JAK1: variants seen among roughly 807,000 people sequenced by gnomAD.
JAK1 encodes tyrosine-protein kinase JAK1.
JAK1 carries 16 observed loss-of-function variants against 136.6 expected under a neutral mutation model. The observed-to-expected ratio is 0.12, with a 90% confidence interval of 0.08 to 0.18. The LOEUF (loss-of-function observed/expected upper bound fraction) is 0.18. Among genes scored for constraint, JAK1 ranks in the 10% least tolerant of loss-of-function variants. The probability of loss-of-function intolerance (pLI) is 1.00; values close to 1 mark genes in which losing one functional copy is unlikely to be tolerated. For missense variants in JAK1, 859 were observed against 1,450.1 expected (o/e 0.59, Z 6.62); for synonymous variants, 492 against 519.5 (o/e 0.95, Z 0.72).
At chr1:65,057,572 T>C (rs1647602517) in intron 1 of JAK1, among the ~76,000 whole-genome samples, 5 of 152,050 alleles carry the variant, frequency 3.3e-5, no homozygotes, top group Admixed American at 2.6e-4. Context: ...GAGCCTGTAG[T>C]CTCAGACTCG....
chr1:64,869,485 G>C lies in JAK1; in HGVS notation c.484-11C>G, dbSNP rs762212043. 2 of 1,612,338 alleles carry C rather than the reference G, an allele frequency of 1.2e-6. No homozygotes were observed. The highest frequency in any genetic ancestry group is 3.3e-5 in the Admixed American group (2 of 59,836). Reference sequence around the variant, plus strand: ...CAAATCATACTGTCCCTAGGAGCAAGGGGGAGAAACCATGAGAGCCCACCC... The same window carrying C: ...CAAATCATACTGTCCCTAGGAGCAACGGGGAGAAACCATGAGAGCCCACCC... On this transcript the variant is annotated splice_polypyrimidine_tract_variant and intron_variant, in intron 5 of 24. Transcript: ENST00000342505.
intron 2 of JAK1, among the ~76,000 whole-genome samples, chr1:65,044,001 C>A (rs141786521): frequency 6.6e-6 from 1 of 151,884 alleles, no homozygotes; most frequent in Non-Finnish European, 1.5e-5. Flanking sequence ...GGATTACAGA[C>A]GTGAGTCACC....
chr1:65,026,133 C>G (rs77763047), intron 2 of JAK1, among the ~76,000 whole-genome samples: 179 of 152,300 alleles, frequency 1.2e-3, no homozygotes, highest in Non-Finnish European at 2.3e-3. Context: ...TACATGCCTT[C>G]CATGTGATCC....
intron 15 of JAK1, 42 bp downstream of exon 15, chr1:64,845,471 T>C (rs1655170004): frequency 6.2e-7 from 1 of 1,612,362 alleles, no homozygotes; most frequent in Admixed American, 1.7e-5. Context: ...CAGGACACTC[T>C]GGTTTCTGGT....
chr1:64,971,519 CAG>C (rs1043530770), upstream of JAK1, among the ~76,000 whole-genome samples: 12 of 151,838 alleles, frequency 7.9e-5, no homozygotes, highest in Admixed American at 7.9e-4. Context: ...CTGCTTTTTG[CAG>C]AGACGCGGTT....
chr1:65,017,819 CTT>C (rs943732294), intron 2 of JAK1, among the ~76,000 whole-genome samples: 12 of 142,502 alleles, frequency 8.4e-5, no homozygotes, highest in African/African-American at 2.3e-4. Context: ...TGAACTCTGC[CTT>C]TTTTTTTTTT....
At chr1:64,952,239 G>A (rs1352387519) in intron 1 of JAK1, among the ~76,000 whole-genome samples, 3 of 152,160 alleles carry the variant, frequency 2.0e-5, no homozygotes, top group Admixed American at 1.3e-4. Context: ...GAGTCTTGAG[G>A]TGGTGCCTAG....
chr1:65,007,309 T>C (rs1237188978), intron 2 of JAK1, among the ~76,000 whole-genome samples: 1 of 152,162 alleles, frequency 6.6e-6, no homozygotes, highest in Non-Finnish European at 1.5e-5. Flanking sequence ...AGGTCTGTCT[T>C]ATTCTTGTTC....
chr1:65,008,684 T>TTTCTCC (rs1055496974), intron 2 of JAK1, among the ~76,000 whole-genome samples: 2 of 150,310 alleles, frequency 1.3e-5, no homozygotes, highest in African/African-American at 2.4e-5. Context: ...TCTCCTTCTC[T>TTTCTCC]TTCTCCTTCT....
At chr1:64,903,272 C>T (rs546585818) in intron 1 of JAK1, among the ~76,000 whole-genome samples, 9 of 152,166 alleles carry the variant, frequency 5.9e-5, no homozygotes, top group Non-Finnish European at 1.0e-4. Flanking sequence ...GGTGATCCAC[C>T]GGCCTCGGCC....
chr1:64,922,266 G>A (rs1645507958), intron 1 of JAK1, among the ~76,000 whole-genome samples: 1 of 149,782 alleles, frequency 6.7e-6, no homozygotes, highest in Admixed American at 6.8e-5. Context: ...GGGTTTTTTT[G>A]CATTGACCTG....
chr1:64,995,143 A>G (rs1301151399), intron 2 of JAK1: 1 of 152,196 alleles, frequency 6.6e-6, no homozygotes, highest in Non-Finnish European at 1.5e-5. Flanking sequence ...AATCATTTAC[A>G]ATCAGATCAT....
chr1:64,905,261 G>A (rs1388470002), intron 1 of JAK1, among the ~76,000 whole-genome samples: 3 of 152,186 alleles, frequency 2.0e-5, no homozygotes, highest in Non-Finnish European at 4.4e-5. Flanking sequence ...CAGAGAAGGG[G>A]CAGAGCAGAC....
chr1:64,891,798 C>G (rs1429405561), intron 1 of JAK1, among the ~76,000 whole-genome samples: 1 of 152,216 alleles, frequency 6.6e-6, no homozygotes, highest in African/African-American at 2.4e-5. Context: ...GTCAGGAAGT[C>G]AGAACTATGG....
chr1:65,024,660 C>G (rs1349758798), intron 2 of JAK1, among the ~76,000 whole-genome samples: 1 of 69,864 alleles, frequency 1.4e-5, no homozygotes, highest in Non-Finnish European at 3.0e-5. Flanking sequence ...TGGTCCAAAG[C>G]AAAAAAAAAA....
intron 1 of JAK1, among the ~76,000 whole-genome samples, chr1:65,057,582 G>A (rs576246470): frequency 5.9e-5 from 9 of 152,214 alleles, no homozygotes; most frequent in South Asian, 2.1e-4. Flanking sequence ...TCTCAGACTC[G>A]GGAGGTTGAG....
At chr1:65,017,537 G>A (rs1234250893) in intron 2 of JAK1, among the ~76,000 whole-genome samples, 2 of 152,042 alleles carry the variant, frequency 1.3e-5, no homozygotes. Flanking sequence ...TGATCTAATA[G>A]AGATTATCTA....
chr1:65,066,914 T>C (rs1201417519), intron 1 of JAK1: 1 of 151,720 alleles, frequency 6.6e-6, no homozygotes, highest in Admixed American at 6.6e-5. Context: ...TGCGCAACAT[T>C]TACACACACA....
intron 1 of JAK1, among the ~76,000 whole-genome samples, chr1:65,052,468 G>A (rs899348283): frequency 7.2e-5 from 11 of 151,774 alleles, no homozygotes; most frequent in East Asian, 1.9e-4. Context: ...ACCTGAGGTC[G>A]GCAGTTCAAG....
Sources: allele counts gnomAD v4.1 joint callset (sites outside exome capture counted in the v4.1 genomes callset), GRCh38; gene constraint gnomAD v4.1.1; transcripts MANE v1.5; gene names NCBI Gene and HGNC (gene_info 2026-07-23, HGNC 2026-07-21).